The following ZNF385D variants were observed in gnomAD, a reference collection of about 807,000 sequenced individuals.
The protein encoded by ZNF385D is zinc finger protein 659.
Under a neutral mutation model 35.8 loss-of-function variants are expected in ZNF385D, and 15 were observed. That is an observed-to-expected ratio of 0.42 (90% CI 0.28 to 0.64). ZNF385D has a LOEUF of 0.64. ZNF385D is among the 30% of genes least tolerant of loss of function. The pLI, the probability that ZNF385D is intolerant of heterozygous loss-of-function variation, is 0.23. For synonymous variants in ZNF385D, 212 were observed against 186.8 expected, an observed-to-expected ratio of 1.13 and a Z score of -1.10; for missense variants, 474 against 494.6, an observed-to-expected ratio of 0.96 and a Z score of 0.39.
chr3:21,582,045 G>A (rs1215422299), intron 2 of ZNF385D, among the ~76,000 whole-genome samples: 2 of 151,962 alleles, frequency 1.3e-5, no homozygotes, highest in African/African-American at 2.4e-5. Flanking sequence ...TTTTATACAG[G>A]GTACAGTATT....
chr3:22,145,330 G>A (rs190639612), intron 3 of ZNF385D, among the ~76,000 whole-genome samples: 17 of 152,298 alleles, frequency 1.1e-4, no homozygotes, highest in African/African-American at 3.6e-4. Flanking sequence ...TGAAGATACA[G>A]AGGTTAAGAA....
At chr3:21,469,789 A>G (rs931524383) in intron 4 of ZNF385D, among the ~76,000 whole-genome samples, 36 of 152,174 alleles carry the variant, frequency 2.4e-4, no homozygotes, top group African/African-American at 8.4e-4. Flanking sequence ...TTAAAATGGA[A>G]CTAACAGTAT....
intron 1 of ZNF385D, among the ~76,000 whole-genome samples, chr3:21,732,027 GGGGTTTTTTTTTTTTTTTTTTTTT>G (rs1192700235): frequency 0.32 from 20,644 of 64,246 alleles, 5,158 homozygotes; most frequent in South Asian, 0.53. Flanking sequence ...TTCTTTTTTC[GGGGTTTTTTTTTTTTTTTTTTTTT>G]TTTTTTTTTT....
intron 2 of ZNF385D, among the ~76,000 whole-genome samples, chr3:22,210,024 A>G (rs878937756): frequency 3.3e-5 from 5 of 151,800 alleles, no homozygotes; most frequent in African/African-American, 1.2e-4. Context: ...ATTCAATATC[A>G]TATTTTGCCA....
chr3:22,068,606 C>G lies in ZNF385D; in HGVS notation c.325+100211G>C, dbSNP rs373326008. 5.9e-5 allele frequency among the ~76,000 whole-genome samples: 9 copies of G among 152,308 alleles called. No homozygotes were observed. In the East Asian group the frequency reaches 1.3e-3, roughly 23 times the overall value. On this transcript the variant is annotated intron_variant, in intron 3 of 5. Coordinates refer to the ZNF385D transcript ENST00000494108. ...ACAGGTTCAACATGATCCATCCACA[C>G]TCTGTCTATTTAGTGACATTTCTTT...
At chr3:21,770,049 A>C (rs2071008903) in intron 3 of ZNF385D, among the ~76,000 whole-genome samples, 1 of 152,180 alleles carries the variant, frequency 6.6e-6, no homozygotes, top group Admixed American at 6.5e-5. Context: ...GAAAGCGGAA[A>C]CTGGATCCCT....
chr3:22,008,679 A>G (rs919614942), intron 3 of ZNF385D, among the ~76,000 whole-genome samples: 2 of 152,166 alleles, frequency 1.3e-5, no homozygotes, highest in Non-Finnish European at 2.9e-5. Flanking sequence ...TCTAACCACA[A>G]TGCAATCAAG....
intron 3 of ZNF385D, among the ~76,000 whole-genome samples, chr3:21,941,011 A>G (rs1256026559): frequency 6.6e-6 from 1 of 152,202 alleles, no homozygotes; most frequent in Non-Finnish European, 1.5e-5. Flanking sequence ...ACCGATAACT[A>G]ATAAAGATCA....
intron 3 of ZNF385D, among the ~76,000 whole-genome samples, chr3:21,874,146 C>A (rs1230235414): frequency 6.6e-6 from 1 of 152,064 alleles, no homozygotes. Flanking sequence ...CATATTCTTG[C>A]TATCACTTCT....
chr3:22,140,945 C>T (rs1365874498), intron 3 of ZNF385D, among the ~76,000 whole-genome samples: 3 of 152,088 alleles, frequency 2.0e-5, no homozygotes, highest in African/African-American at 4.8e-5. Flanking sequence ...CTTAGGTTTA[C>T]AAAGAATAAG....
chr3:22,326,663 G>T (rs529873865), intron 2 of ZNF385D, among the ~76,000 whole-genome samples: 2 of 152,258 alleles, frequency 1.3e-5, no homozygotes, highest in Non-Finnish European at 2.9e-5. Context: ...CACTTAGATG[G>T]ATTTGGGTTT....
chr3:21,905,795 G>A (rs1699656625), intron 3 of ZNF385D, among the ~76,000 whole-genome samples: 1 of 151,766 alleles, frequency 6.6e-6, no homozygotes. Context: ...TCTGATAGAG[G>A]CAGAAATAAA....
chr3:21,860,973 T>C (rs1212644578), intron 3 of ZNF385D, among the ~76,000 whole-genome samples: 1 of 152,182 alleles, frequency 6.6e-6, no homozygotes, highest in Non-Finnish European at 1.5e-5. Context: ...TGCTTATTTT[T>C]TATGGCTGAT....
intron 1 of ZNF385D, among the ~76,000 whole-genome samples, chr3:21,726,164 G>A (rs904729860): frequency 2.0e-5 from 3 of 151,954 alleles, no homozygotes; most frequent in East Asian, 1.9e-4. Context: ...ACTAGATATC[G>A]ATGGAACATA....
At chr3:22,122,291 G>A (rs1703130870) in intron 3 of ZNF385D, among the ~76,000 whole-genome samples, 3 of 152,106 alleles carry the variant, frequency 2.0e-5, no homozygotes, top group Admixed American at 2.0e-4. Context: ...TTCGGCTGAA[G>A]TCATCAAAGG....
rs111436025 is a variant in ZNF385D at position 22,113,777 on chromosome 3, G to A, written c.325+55040C>T. 5.1e-3 allele frequency among the ~76,000 whole-genome samples: 773 copies of A among 152,150 alleles called. 7 individuals are homozygous for A. The highest frequency in any genetic ancestry group is 0.018 in the African/African-American group (741 of 41,524). ...AAGGCGGGTGAATCACGAGTCAGGA[G>A]ATAAAGTCTCTTCTGCTAAAGGAAG... On this transcript the variant is annotated intron_variant, in intron 3 of 5. Transcript: ENST00000494108.
At chr3:21,605,022 T>C (rs73137063) in intron 2 of ZNF385D, among the ~76,000 whole-genome samples, 27,508 of 152,126 alleles carry the variant, frequency 0.18, 3,251 homozygotes, top group African/African-American at 0.34. Context: ...GGCATGAGAA[T>C]GAAAGATTCT....
At chr3:21,733,373 C>A (rs888127338) in intron 1 of ZNF385D, among the ~76,000 whole-genome samples, 2 of 152,038 alleles carry the variant, frequency 1.3e-5, no homozygotes, top group African/African-American at 2.4e-5. Flanking sequence ...AGGTCTTTTG[C>A]CTCTCCACAG....
chr3:21,761,333 C>T (rs1487384794), intron 3 of ZNF385D, among the ~76,000 whole-genome samples: 1 of 152,130 alleles, frequency 6.6e-6, no homozygotes, highest in Non-Finnish European at 1.5e-5. Context: ...TGTTTTAGAC[C>T]TCTAAATTTG....
Sources: gnomAD v4.1 joint callset for allele counts (sites outside exome capture counted in the v4.1 genomes callset) on GRCh38, gnomAD v4.1.1 for gene constraint, MANE v1.5 for transcripts, NCBI Gene and HGNC (gene_info 2026-07-23, HGNC 2026-07-21) for gene names.